PTPN14: variants seen among roughly 807,000 people sequenced by gnomAD.
PTPN14 encodes the protein protein tyrosine phosphatase non-receptor type 14.
Under a neutral mutation model 126.8 loss-of-function variants are expected in PTPN14, and 53 were observed. That is an observed-to-expected ratio of 0.42 (90% CI 0.34 to 0.53). The LOEUF is 0.53. PTPN14 is among the 20% of genes least tolerant of loss of function. The pLI is 0.08. For synonymous variants in PTPN14, 630 were observed against 599.3 expected, an observed-to-expected ratio of 1.05 and a Z score of -0.75; for missense variants, 1,257 against 1,552.9, an observed-to-expected ratio of 0.81 and a Z score of 3.20.
chr1:214,435,559 AAAAC>A (rs1558101225), intron 3 of PTPN14, among the ~76,000 whole-genome samples: 1 of 152,210 alleles, frequency 6.6e-6, no homozygotes, highest in Non-Finnish European at 1.5e-5. Context: ...TAACAAGGAA[AAAAC>A]AAACAATCCC....
At chr1:214,402,195 T>C (rs1407502844) in intron 6 of PTPN14, among the ~76,000 whole-genome samples, 3 of 151,862 alleles carry the variant, frequency 2.0e-5, no homozygotes. Context: ...CCCAGCACTT[T>C]GGGAGGCCGA....
chr1:214,400,410 C>T (rs1421999832), intron 7 of PTPN14, among the ~76,000 whole-genome samples: 3 of 152,158 alleles, frequency 2.0e-5, no homozygotes, highest in Admixed American at 6.5e-5. Flanking sequence ...AAGTCAGAAG[C>T]GCCTATCTTC....
At chr1:214,489,427 C>T (rs1459724723) in intron 1 of PTPN14, among the ~76,000 whole-genome samples, 7 of 152,188 alleles carry the variant, frequency 4.6e-5, no homozygotes, top group African/African-American at 1.2e-4. Flanking sequence ...ACCACCATAC[C>T]GTTTCTAATC....
At chr1:214,424,406 A>G (rs1056376204) in intron 3 of PTPN14, among the ~76,000 whole-genome samples, 1 of 152,216 alleles carries the variant, frequency 6.6e-6, no homozygotes, top group Non-Finnish European at 1.5e-5. Context: ...CAGAAATAGC[A>G]AAATAGGGGC....
At chr1:214,541,619 T>C (rs966524466) in intron 1 of PTPN14, among the ~76,000 whole-genome samples, 1 of 152,194 alleles carries the variant, frequency 6.6e-6, no homozygotes, top group African/African-American at 2.4e-5. Flanking sequence ...GTAACAGATG[T>C]TATTCTTAGC....
intron 3 of PTPN14, among the ~76,000 whole-genome samples, chr1:214,441,937 T>G (rs947292523): frequency 2.0e-5 from 3 of 152,204 alleles, no homozygotes; most frequent in African/African-American, 7.2e-5. Flanking sequence ...GTAACACTAA[T>G]AAAGAACAAT....
At chr1:214,499,950 G>C (rs971291475) in intron 1 of PTPN14, among the ~76,000 whole-genome samples, 1 of 151,846 alleles carries the variant, frequency 6.6e-6, no homozygotes, top group South Asian at 2.1e-4. Context: ...CTTGAGGAGG[G>C]GAAAGGACAA....
At chr1:214,520,589 T>C (rs965982500) in intron 1 of PTPN14, among the ~76,000 whole-genome samples, 6 of 152,150 alleles carry the variant, frequency 3.9e-5, no homozygotes, top group African/African-American at 1.2e-4. Flanking sequence ...ACCTTCCTCA[T>C]GAAACTCACC....
intron 3 of PTPN14, among the ~76,000 whole-genome samples, chr1:214,427,598 G>T (rs781297976): frequency 3.3e-5 from 5 of 152,132 alleles, no homozygotes; most frequent in African/African-American, 4.8e-5. Context: ...ATATCACAGT[G>T]AACAAAACAA....
chr1:214,378,026 G>A lies in PTPN14; in HGVS notation c.2621C>T (p.Ser874Leu), dbSNP rs763829335. Residue 874 changes from serine to leucine, a missense_variant, in exon 14 of 19, where the codon TCG (serine) becomes TTG (leucine). By Grantham distance (145) the Ser-to-Leu change is moderately radical (BLOSUM62 -2). Around this residue, in one of 3 missense-constraint regions of PTPN14, gnomAD observed 1,021 missense variants for 1,183.3 expected, o/e 0.86. Transcript: ENST00000366956. ...PLMLAALNGL[S>L]VARVSGREEN... ...TTCCCGCCCTGAGACTCGAGCCACC[G>A]AGAGCCCATTCAATGCTGCCAACAT... The A allele has an allele frequency of 9.3e-6, 15 of 1,612,810 alleles. No homozygotes were observed. Among genetic ancestry groups the A allele is most frequent in the South Asian group, 8.8e-5 (8 of 91,064 alleles).
At chr1:214,494,652 G>T (rs1661321130) in intron 1 of PTPN14, among the ~76,000 whole-genome samples, 1 of 152,032 alleles carries the variant, frequency 6.6e-6, no homozygotes, top group Non-Finnish European at 1.5e-5. Context: ...ACACGGAATT[G>T]GTCATATAAA....
Position 214,364,803 on chromosome 1 carries a change from G to A in PTPN14, c.3272-128C>T. On this transcript the variant is annotated intron_variant, in intron 17 of 18. Transcript: ENST00000366956. The surrounding 1 kb of genome is among the most constrained non-coding windows in gnomAD (Gnocchi z 4.1). ...TGTGTGTGTGTGTGTGTGTGTGTGT[G>A]TGTTTTAAGTGACAATAATTTATAG... The A allele has an allele frequency of 3.6e-6, 3 of 825,856 alleles. No individual in the cohort carries two copies. Among genetic ancestry groups the A allele is most frequent in the Admixed American group, 3.0e-5 (1 of 33,510 alleles). The allele number at this position is 825,856 out of a possible 1,614,324, so 51.2% of individuals were successfully genotyped here.
chr1:214,426,105 A>G (rs1659659641), intron 3 of PTPN14, among the ~76,000 whole-genome samples: 2 of 151,996 alleles, frequency 1.3e-5, no homozygotes, highest in African/African-American at 4.8e-5. Flanking sequence ...AACAGATCAC[A>G]ACATGAATCC....
chr1:214,496,770 AAT>A (rs1210270373), intron 1 of PTPN14, among the ~76,000 whole-genome samples: 1 of 151,826 alleles, frequency 6.6e-6, no homozygotes, highest in Non-Finnish European at 1.5e-5. Context: ...GTTTTAACTT[AAT>A]ATCTAATTTG....
At chr1:214,524,080 C>G (rs565855042) in intron 1 of PTPN14, among the ~76,000 whole-genome samples, 63 of 151,996 alleles carry the variant, frequency 4.1e-4, no homozygotes, top group Non-Finnish European at 7.5e-4. Context: ...AAACTCCTCA[C>G]CTCGGGTGAT....
intron 2 of PTPN14, among the ~76,000 whole-genome samples, chr1:214,456,260 C>T (rs1660379794): frequency 1.3e-5 from 2 of 152,130 alleles, no homozygotes; most frequent in Non-Finnish European, 2.9e-5. Flanking sequence ...TAATAGGTTG[C>T]CTATCTTACC....
chr1:214,382,444 C>G (rs935487350), intron 13 of PTPN14, among the ~76,000 whole-genome samples: 1 of 152,204 alleles, frequency 6.6e-6, no homozygotes, highest in Admixed American at 6.5e-5. Flanking sequence ...ACCTCAGCCT[C>G]CTGATTAGCT....
At chr1:214,443,344 C>G (rs74139874) in intron 3 of PTPN14, among the ~76,000 whole-genome samples, 2,158 of 152,216 alleles carry the variant, frequency 0.014, 50 homozygotes, top group African/African-American at 0.049. Flanking sequence ...CTTTACACCA[C>G]CTCCCCAATT....
Position 214,454,689 on chromosome 1 carries a change from C to A in PTPN14, c.175-2715G>T, listed in dbSNP as rs148978945. On this transcript the variant is annotated intron_variant, in intron 2 of 18. Coordinates refer to ENST00000366956, the MANE Select transcript of PTPN14 (RefSeq NM_005401.5). The stretch of plus-strand genomic sequence containing the variant: ...CCAGAGCTCTAAATAACAAAGTAAA[C>A]CACTTCTAATAGAAAAACCTAATTC... Among the ~76,000 whole-genome samples, 79 of 152,222 alleles carry A rather than the reference C, an allele frequency of 5.2e-4. 2 individuals carry two copies. The East Asian group carries it at 0.015, about 28-fold the overall frequency.
Sources: allele counts gnomAD v4.1 joint callset (sites outside exome capture counted in the v4.1 genomes callset), GRCh38; gene constraint gnomAD v4.1.1; regional missense constraint gnomAD v4.1.1; non-coding constraint Gnocchi (gnomAD v3.1); transcripts MANE v1.5; gene names NCBI Gene and HGNC (gene_info 2026-07-23, HGNC 2026-07-21).